Variants in DSCAML1 observed in about 807,000 individuals in gnomAD.
The protein encoded by DSCAML1 is DS cell adhesion molecule like 1.
DSCAML1 carries 38 observed loss-of-function variants against 200.5 expected under a neutral mutation model. The ratio of observed to expected loss-of-function variants is 0.19; its 90% CI spans 0.15 to 0.25. DSCAML1 has a LOEUF of 0.25. Ranked by LOEUF, DSCAML1 falls within the 10% of genes least tolerant of loss-of-function variation. DSCAML1 has a pLI of 1.00. For missense variants in DSCAML1, 2,223 were observed against 2,858.8 expected, an observed-to-expected ratio of 0.78 and a Z score of 5.07; for synonymous variants, 1,215 against 1,165.0, an observed-to-expected ratio of 1.04 and a Z score of -0.87.
intron 3 of DSCAML1, among the ~76,000 whole-genome samples, chr11:117,570,552 G>A (rs2050831068): frequency 6.6e-6 from 1 of 152,240 alleles, no homozygotes; most frequent in Non-Finnish European, 1.5e-5. Flanking sequence ...AGCTAGATGA[G>A]TACTTGGCAC....
chr11:117,504,135 G>C lies in DSCAML1; in HGVS notation c.2183-114C>G. The C allele has an allele frequency of 7.9e-7, 1 of 1,260,612 alleles. No individual in the cohort carries two copies. The highest frequency in any genetic ancestry group is 1.1e-6 in the Non-Finnish European group (1 of 908,328). The allele number at this position is 1,260,612 out of a possible 1,614,324, so 78.1% of individuals were successfully genotyped here. ...GCAGATCTAGGGCCATTTTGTAGCA[G>C]AGCTGCACCATCCCCAAAGTGCTGA... On this transcript the variant is annotated intron_variant, in intron 10 of 32. Transcript: ENST00000651296. The surrounding 1 kb of genome is among the most constrained non-coding windows in gnomAD (Gnocchi z 5.0).
chr11:117,433,262 G>T lies in DSCAML1; in HGVS notation c.4908-6C>A. The T allele has an allele frequency of 6.2e-7, 1 of 1,606,194 alleles. No homozygotes were observed. The highest frequency in any genetic ancestry group is 8.5e-7 in the Non-Finnish European group (1 of 1,175,654). ...CAAAGCTTCTATTGTTCTTGCTGTG[G>T]GGAGAAAGACTGGAGGTGGTGGCTC... On this transcript the variant is annotated splice_region_variant and splice_polypyrimidine_tract_variant and intron_variant, in intron 28 of 32. Coordinates refer to ENST00000651296, the MANE Select transcript of DSCAML1 (RefSeq NM_020693.4).
In DSCAML1 at chr11:117,504,680, C is replaced by G. The variant is rs940935683; in HGVS notation, c.2182+244G>C. Among the ~76,000 whole-genome samples, 3 of 148,606 alleles carry G rather than the reference C, an allele frequency of 2.0e-5. No homozygotes were observed. Among genetic ancestry groups the G allele is most frequent in the Non-Finnish European group, 3.0e-5 (2 of 66,698 alleles). ...GGGGCGGAGATGGGAGAGGAGAGGT[C>G]GCGTCTGGGGGGACAAGAGGAAATA... On this transcript the variant is annotated intron_variant, in intron 10 of 32. Transcript: ENST00000651296. This position sits in a 1 kb window ranked among gnomAD's most constrained non-coding sequence, Gnocchi z 5.0.
At chr11:117,813,260 C>T (rs2055775747) in intron 1 of DSCAML1, among the ~76,000 whole-genome samples, 1 of 152,206 alleles carries the variant, frequency 6.6e-6, no homozygotes, top group Non-Finnish European at 1.5e-5. Flanking sequence ...TGTATAGATG[C>T]TCCTTTTTAT....
intron 3 of DSCAML1, among the ~76,000 whole-genome samples, chr11:117,667,891 T>C (rs948627625): frequency 6.6e-6 from 1 of 152,262 alleles, no homozygotes; most frequent in East Asian, 1.9e-4. Context: ...ATTCTTGCAG[T>C]GGAGAAGAAG....
intron 3 of DSCAML1, among the ~76,000 whole-genome samples, chr11:117,711,618 G>T (rs559122181): frequency 1.3e-5 from 2 of 152,304 alleles, no homozygotes; most frequent in South Asian, 4.1e-4. Context: ...AACACTCATG[G>T]TGTGCTGAAA....
chr11:117,491,483 T>C (rs2013131), intron 11 of DSCAML1, among the ~76,000 whole-genome samples: 87,442 of 152,138 alleles, frequency 0.57, 26,626 homozygotes, highest in African/African-American at 0.78. Context: ...ATGTGAATGT[T>C]GGCCAGGTGT....
At chr11:117,732,085 G>T (rs965553575) in intron 3 of DSCAML1, among the ~76,000 whole-genome samples, 5 of 152,276 alleles carry the variant, frequency 3.3e-5, no homozygotes, top group South Asian at 2.1e-4. Context: ...GGAGTCAAAG[G>T]CACTGCCCCT....
At chr11:117,482,215 G>A (rs1488455587) in intron 11 of DSCAML1, 53 bp from the exon 12 acceptor site, 1 of 1,599,392 alleles carries the variant, frequency 6.3e-7, no homozygotes, top group Admixed American at 1.7e-5. Context: ...CCAGCCTGGA[G>A]GAGGCACGCG....
chr11:117,636,608 T>C (rs973272352), intron 3 of DSCAML1, among the ~76,000 whole-genome samples: 2 of 152,090 alleles, frequency 1.3e-5, no homozygotes, highest in Non-Finnish European at 2.9e-5. Flanking sequence ...GGAGCCACAC[T>C]TCCCCCTGCC....
chr11:117,586,122 G>A (rs560240164), intron 3 of DSCAML1, among the ~76,000 whole-genome samples: 7 of 152,288 alleles, frequency 4.6e-5, no homozygotes, highest in African/African-American at 1.4e-4. Flanking sequence ...GCAGATCTAG[G>A]AAATAGGCCA....
At chr11:117,450,440 G>A in intron 20 of DSCAML1, 109 bp downstream of exon 20, 2 of 1,443,992 alleles carry the variant, frequency 1.4e-6, no homozygotes, top group Admixed American at 2.2e-5. Flanking sequence ...AATCCAGGCA[G>A]AAGCTCAGAT....
chr11:117,691,381 C>T (rs1413342626), intron 3 of DSCAML1, among the ~76,000 whole-genome samples: 2 of 152,210 alleles, frequency 1.3e-5, no homozygotes, highest in African/African-American at 4.8e-5. Flanking sequence ...CCCACTCCCA[C>T]TGACTCAACC....
At chr11:117,506,073 C>T (rs939959784) in intron 8 of DSCAML1, among the ~76,000 whole-genome samples, 1 of 152,248 alleles carries the variant, frequency 6.6e-6, no homozygotes, top group Non-Finnish European at 1.5e-5. Flanking sequence ...CCTGTACCCA[C>T]CTTCTCATCC....
chr11:117,461,323 G>A, intron 18 of DSCAML1, 127 bp downstream of exon 18: 1 of 1,368,294 alleles, frequency 7.3e-7, no homozygotes, highest in Non-Finnish European at 1.0e-6. Context: ...CCCGTGTGGA[G>A]AAGAGGGGGC....
At chr11:117,732,036 A>G (rs550814709) in intron 3 of DSCAML1, among the ~76,000 whole-genome samples, 2 of 152,112 alleles carry the variant, frequency 1.3e-5, no homozygotes, top group South Asian at 4.2e-4. Flanking sequence ...CAAGGGCCCT[A>G]CTGTCCTCCA....
intron 3 of DSCAML1, among the ~76,000 whole-genome samples, chr11:117,600,096 G>A (rs931825827): frequency 6.6e-6 from 1 of 152,232 alleles, no homozygotes; most frequent in East Asian, 1.9e-4. Context: ...AGAAGGGAAT[G>A]AGTCTTCATA....
chr11:117,789,760 G>A (rs1483573829), intron 1 of DSCAML1, among the ~76,000 whole-genome samples: 1 of 152,174 alleles, frequency 6.6e-6, no homozygotes, highest in Non-Finnish European at 1.5e-5. Flanking sequence ...GGTCCAAGCG[G>A]TGACATCAGG....
chr11:117,692,214 C>T (rs1051063410), intron 3 of DSCAML1, among the ~76,000 whole-genome samples: 1 of 151,992 alleles, frequency 6.6e-6, no homozygotes, highest in African/African-American at 2.4e-5. Context: ...TGCTTGGCCG[C>T]CTCCTCCTCT....
Sources: gnomAD v4.1 joint callset for allele counts (sites outside exome capture counted in the v4.1 genomes callset) on GRCh38, gnomAD v4.1.1 for gene constraint, Gnocchi (gnomAD v3.1) non-coding constraint, MANE v1.5 for transcripts, NCBI Gene and HGNC (gene_info 2026-07-23, HGNC 2026-07-21) for gene names.